The following CNGB3 variants were observed in gnomAD, a reference collection of about 807,000 sequenced individuals.
CNGB3 encodes cyclic nucleotide-gated channel beta-3.
Under a neutral mutation model 92.8 loss-of-function variants are expected in CNGB3, and 86 were observed. The observed-to-expected ratio is 0.93, with a 90% CI of 0.78 to 1.11. The LOEUF (loss-of-function observed/expected upper bound fraction) is 1.11. Ranked by LOEUF, CNGB3 falls within the 50% of genes least tolerant of loss-of-function variation. The pLI is 0.00. For synonymous variants in CNGB3, 333 were observed against 332.7 expected (o/e 1.00, Z -0.01); for missense variants, 1,026 against 956.8 (o/e 1.07, Z -0.95).
intron 3 of CNGB3, among the ~76,000 whole-genome samples, chr8:86,724,590 T>G (rs935369252): frequency 6.6e-6 from 1 of 151,996 alleles, no homozygotes; most frequent in Non-Finnish European, 1.5e-5. Context: ...AGCACACAAT[T>G]TAGAGATTGA....
At chr8:86,743,133 A>T (rs568495025) in intron 1 of CNGB3, among the ~76,000 whole-genome samples, 1 of 152,248 alleles carries the variant, frequency 6.6e-6, no homozygotes, top group African/African-American at 2.4e-5. Flanking sequence ...CTAGAGATTT[A>T]TTGTTAACAT....
intron 13 of CNGB3, among the ~76,000 whole-genome samples, chr8:86,615,745 A>G (rs1822608073): frequency 6.6e-6 from 1 of 152,122 alleles, no homozygotes; most frequent in Non-Finnish European, 1.5e-5. Flanking sequence ...AAATCTAAAC[A>G]CACTACTACC....
chr8:86,694,218 CG>C (rs1423003932), intron 3 of CNGB3, among the ~76,000 whole-genome samples: 1 of 138,664 alleles, frequency 7.2e-6, no homozygotes, highest in African/African-American at 2.7e-5. Context: ...GCTGGCCGGG[CG>C]GGGGGCTGAC....
At chr8:86,733,155 CA>C in intron 2 of CNGB3, among the ~76,000 whole-genome samples, 1 of 152,190 alleles carries the variant, frequency 6.6e-6, no homozygotes, top group African/African-American at 2.4e-5. Context: ...CATGAGTACC[CA>C]GTGTTTAGCT....
chr8:86,674,974 G>A (rs1823937734), intron 3 of CNGB3, among the ~76,000 whole-genome samples: 1 of 150,668 alleles, frequency 6.6e-6, no homozygotes, highest in Admixed American at 6.6e-5. Flanking sequence ...TGTTGTTGTT[G>A]TTGAGACAGG....
intron 15 of CNGB3, among the ~76,000 whole-genome samples, chr8:86,601,969 G>A (rs923704991): frequency 6.6e-6 from 1 of 152,158 alleles, no homozygotes; most frequent in African/African-American, 2.4e-5. Context: ...GAAACACCTG[G>A]ATTCAATTCT....
Position 86,594,059 on chromosome 8 carries a change from T to C in CNGB3, c.1781+10034A>G, listed in dbSNP as rs139632452. 4.3e-4 allele frequency: 150 copies of C among 345,758 alleles called. 2 individuals are homozygous for C. Among genetic ancestry groups the C allele is most frequent in the African/African-American group, 2.9e-3 (138 of 46,880 alleles). The allele number at this position is 345,758 out of a possible 1,614,324, so 21.4% of individuals were successfully genotyped here. A position where few individuals can be genotyped will look rare whatever the true frequency, so the allele number is the denominator to read the frequency against. On this transcript the variant is annotated intron_variant, in intron 15 of 17. Transcript: ENST00000320005. ...GCCAAGCCCACAGTAAGCTAATACATGCCCAGTTTTGTGCTGTATCCAGGA... is the reference window on the plus strand; with the variant it reads ...GCCAAGCCCACAGTAAGCTAATACACGCCCAGTTTTGTGCTGTATCCAGGA...
intron 7 of CNGB3, among the ~76,000 whole-genome samples, chr8:86,653,309 TAAAG>T (rs1823440937): frequency 6.6e-6 from 1 of 151,788 alleles, no homozygotes; most frequent in African/African-American, 2.4e-5. Flanking sequence ...CAATATTTAA[TAAAG>T]AAAATTAGTC....
chr8:86,716,364 G>A (rs1824853184), intron 3 of CNGB3, among the ~76,000 whole-genome samples: 1 of 152,270 alleles, frequency 6.6e-6, no homozygotes, highest in Middle Eastern at 3.4e-3. Flanking sequence ...AATACAAGAA[G>A]CTCAAAGAAC....
chr8:86,619,143 T>TGGG (rs1822675166), intron 13 of CNGB3, among the ~76,000 whole-genome samples: 1 of 152,212 alleles, frequency 6.6e-6, no homozygotes, highest in South Asian at 2.1e-4. Flanking sequence ...CCTACTGAAC[T>TGGG]GGGGGCTGTT....
At chr8:86,616,413 T>A (rs1822624123) in intron 13 of CNGB3, among the ~76,000 whole-genome samples, 1 of 152,216 alleles carries the variant, frequency 6.6e-6, no homozygotes, top group South Asian at 2.1e-4. Flanking sequence ...TGCATTATGA[T>A]GTCATTATAT....
intron 3 of CNGB3, among the ~76,000 whole-genome samples, chr8:86,679,124 C>T (rs1824032389): frequency 6.6e-6 from 1 of 151,982 alleles, no homozygotes; most frequent in Non-Finnish European, 1.5e-5. Flanking sequence ...GCATTTTGAA[C>T]ATCTCATTCA....
At chr8:86,667,909 A>T (rs918763494) in intron 5 of CNGB3, 110 bp downstream of exon 5, 1 of 1,174,932 alleles carries the variant, frequency 8.5e-7, no homozygotes, top group African/African-American at 1.5e-5. Context: ...CTTCCTAGTT[A>T]GATTGAGAAT....
Position 86,575,940 on chromosome 8 carries a change from T to C in CNGB3, c.2294A>G (p.Glu765Gly), listed in dbSNP as rs752973745. 3 of 1,614,048 alleles carry C rather than the reference T, an allele frequency of 1.9e-6. No homozygotes were observed. Among genetic ancestry groups the C allele is most frequent in the Non-Finnish European group, 2.5e-6 (3 of 1,179,954 alleles). ...ECTASPIAVE[E>G]EPHSVRRTVL... ...TGTCCTTCTAACTGAGTGGGGTTCT[T>C]CCTCCACTGCAATAGGACTTGCTGT... The change falls in exon 18 of 18, where the codon GAA (glutamate) becomes GGA (glycine). Residue 765 changes from glutamate to glycine, a missense_variant. Coordinates refer to ENST00000320005, the MANE Select transcript of CNGB3 (RefSeq NM_019098.5).
intron 3 of CNGB3, among the ~76,000 whole-genome samples, chr8:86,720,110 C>A (rs113476033): frequency 2.6e-5 from 4 of 152,172 alleles, no homozygotes; most frequent in African/African-American, 9.6e-5. Flanking sequence ...GACCAAGAAC[C>A]CAAAAGCAAA....
chr8:86,624,128 T>C (rs1330621004), intron 13 of CNGB3, among the ~76,000 whole-genome samples: 1 of 152,162 alleles, frequency 6.6e-6, no homozygotes, highest in Non-Finnish European at 1.5e-5. Context: ...TAATTTACAG[T>C]CTATAGATGA....
At chr8:86,717,252 G>A (rs536174469) in intron 3 of CNGB3, among the ~76,000 whole-genome samples, 4 of 151,960 alleles carry the variant, frequency 2.6e-5, no homozygotes, top group East Asian at 1.9e-4. Context: ...TGAGATAGAC[G>A]GCAACACAAT....
chr8:86,597,950 C>G (rs1408254879), intron 15 of CNGB3, among the ~76,000 whole-genome samples: 1 of 151,730 alleles, frequency 6.6e-6, no homozygotes, highest in Non-Finnish European at 1.5e-5. Context: ...TGAACTCCAG[C>G]CTGGGCGACA....
intron 2 of CNGB3, among the ~76,000 whole-genome samples, chr8:86,728,368 T>G (rs1825099248): frequency 6.6e-6 from 1 of 150,708 alleles, no homozygotes; most frequent in South Asian, 2.1e-4. Context: ...AAAATTGCAC[T>G]TTCAATATGT....
Sources: gnomAD v4.1 joint callset for allele counts (sites outside exome capture counted in the v4.1 genomes callset) on GRCh38, gnomAD v4.1.1 for gene constraint, MANE v1.5 for transcripts, NCBI Gene and HGNC (gene_info 2026-07-23, HGNC 2026-07-21) for gene names.